ZDHHC14: variants seen among roughly 807,000 people sequenced by gnomAD.
ZDHHC14 encodes zDHHC palmitoyltransferase 14.
ZDHHC14 carries 16 observed loss-of-function variants against 47.7 expected under a neutral mutation model. The observed-to-expected ratio is 0.34, with a 90% confidence interval of 0.23 to 0.51. The LOEUF (loss-of-function observed/expected upper bound fraction) is 0.51. Ranked by LOEUF, ZDHHC14 falls within the 20% of genes least tolerant of loss-of-function variation. The pLI is 0.97. For missense variants in ZDHHC14, 515 were observed against 662.5 expected (o/e 0.78, Z 2.44); for synonymous variants, 293 against 278.9 (o/e 1.05, Z -0.50).
intron 3 of ZDHHC14, among the ~76,000 whole-genome samples, chr6:157,597,332 C>T (rs1164159487): frequency 6.6e-6 from 1 of 152,156 alleles, no homozygotes; most frequent in Non-Finnish European, 1.5e-5. Flanking sequence ...GCATGCTGCC[C>T]TCGTTTTTCT....
chr6:157,552,380 G>T (rs938462214), intron 2 of ZDHHC14, among the ~76,000 whole-genome samples: 1 of 152,074 alleles, frequency 6.6e-6, no homozygotes, highest in African/African-American at 2.4e-5. Context: ...CTCTGGAACA[G>T]CCCTCTGCAG....
At chr6:157,414,634 G>A (rs1319240356) in intron 1 of ZDHHC14, among the ~76,000 whole-genome samples, 2 of 152,170 alleles carry the variant, frequency 1.3e-5, no homozygotes, top group East Asian at 3.9e-4. Context: ...GGATGCACAT[G>A]TGCAGGGTCA....
chr6:157,474,311 C>T, intron 1 of ZDHHC14, among the ~76,000 whole-genome samples: 1 of 152,138 alleles, frequency 6.6e-6, no homozygotes, highest in East Asian at 1.9e-4. Context: ...TTTATTCATT[C>T]ATTTGTTAAT....
chr6:157,453,720 G>T (rs1485157479), intron 1 of ZDHHC14, among the ~76,000 whole-genome samples: 1 of 151,620 alleles, frequency 6.6e-6, no homozygotes, highest in Admixed American at 6.6e-5. Flanking sequence ...AGACCAGATG[G>T]GTGACTACCT....
intron 8 of ZDHHC14, among the ~76,000 whole-genome samples, chr6:157,663,341 G>A (rs145491182): frequency 3.3e-4 from 50 of 152,360 alleles, no homozygotes; most frequent in Middle Eastern, 6.8e-3. Flanking sequence ...AGCCCAGGAC[G>A]CAGAGCTCCT....
chr6:157,489,639 C>T (rs895689706), intron 1 of ZDHHC14, among the ~76,000 whole-genome samples: 1 of 152,144 alleles, frequency 6.6e-6, no homozygotes, highest in African/African-American at 2.4e-5. Context: ...GTGACCCAGC[C>T]GCTCTCCACC....
chr6:157,640,072 G>A (rs758690619), intron 5 of ZDHHC14, among the ~76,000 whole-genome samples: 36 of 152,180 alleles, frequency 2.4e-4, no homozygotes, highest in Non-Finnish European at 4.4e-4. Context: ...TCTCCGATTC[G>A]CGGAGGCCAA....
At chr6:157,546,846 G>A (rs1004679495) in intron 2 of ZDHHC14, among the ~76,000 whole-genome samples, 1 of 152,140 alleles carries the variant, frequency 6.6e-6, no homozygotes, top group Admixed American at 6.5e-5. Flanking sequence ...CACAGGTTTC[G>A]TCTCTTCCCA....
chr6:157,487,178 C>T (rs1156369702), intron 1 of ZDHHC14, among the ~76,000 whole-genome samples: 3 of 152,230 alleles, frequency 2.0e-5, no homozygotes, highest in African/African-American at 4.8e-5. Context: ...CCGGCCCTGG[C>T]CACCTTGCCG....
intron 7 of ZDHHC14, among the ~76,000 whole-genome samples, chr6:157,648,818 C>G (rs1777682694): frequency 6.6e-6 from 1 of 152,230 alleles, no homozygotes; most frequent in Non-Finnish European, 1.5e-5. Context: ...GTCCATGGTG[C>G]TTCCCGCTGG....
chr6:157,506,788 A>T (rs150787788), intron 1 of ZDHHC14, among the ~76,000 whole-genome samples: 1,694 of 152,272 alleles, frequency 0.011, 36 homozygotes, highest in African/African-American at 0.038. Flanking sequence ...GAAAACAACC[A>T]CTCAGGATAT....
intron 1 of ZDHHC14, among the ~76,000 whole-genome samples, chr6:157,425,179 C>G (rs1778191927): frequency 6.6e-6 from 1 of 152,182 alleles, no homozygotes; most frequent in Admixed American, 6.5e-5. Context: ...GGATCTTGTA[C>G]AACTCTTGTT....
Position 157,635,597 on chromosome 6 carries a change from C to T in ZDHHC14, c.752+2715C>T, listed in dbSNP as rs371626855. On this transcript the variant is annotated intron_variant, in intron 5 of 8. Transcript: ENST00000359775. ...CCAAAGCACGGCTTCCAGGTGTGGC[C>T]AGAGGGATTTCAAAGAGACTCTGCC... is the stretch of plus-strand genomic sequence containing the variant. 1.2e-4 allele frequency among the ~76,000 whole-genome samples: 18 copies of T among 152,302 alleles called. No homozygotes were observed. In the South Asian group the frequency reaches 1.9e-3, roughly 16 times the overall value.
chr6:157,572,848 C>CAA (rs1783153397), intron 2 of ZDHHC14, among the ~76,000 whole-genome samples: 1 of 151,248 alleles, frequency 6.6e-6, no homozygotes, highest in African/African-American at 2.4e-5. Flanking sequence ...TTTCTGTTCT[C>CAA]TATTAAGTAG....
chr6:157,624,916 G>A lies in ZDHHC14; in HGVS notation c.566-3433G>A, dbSNP rs564951716. Among the ~76,000 whole-genome samples, 16 of 152,326 alleles carry A rather than the reference G, an allele frequency of 1.1e-4. 1 individual carries two copies. In the South Asian group the frequency reaches 3.1e-3, roughly 30 times the overall value. ...TTTAGTCCTTACAGTTCTGGAGGCT[G>A]GGAAGTCCACGGCCACGGGGCCTAC... On this transcript the variant is annotated intron_variant, in intron 3 of 8. Coordinates refer to ENST00000359775, the MANE Select transcript of ZDHHC14 (RefSeq NM_024630.3).
intron 1 of ZDHHC14, among the ~76,000 whole-genome samples, chr6:157,447,055 G>T (rs980804757): frequency 8.5e-5 from 13 of 152,052 alleles, no homozygotes; most frequent in African/African-American, 3.1e-4. Flanking sequence ...GGACGTGGAG[G>T]TTGCAGTGAG....
At chr6:157,523,720 C>T (rs1218556044) in intron 1 of ZDHHC14, among the ~76,000 whole-genome samples, 13 of 148,804 alleles carry the variant, frequency 8.7e-5, no homozygotes, top group African/African-American at 2.5e-4. Flanking sequence ...ACATAGACCT[C>T]GCTTATACAA....
chr6:157,465,513 A>G (rs1018694457), intron 1 of ZDHHC14, among the ~76,000 whole-genome samples: 1 of 152,178 alleles, frequency 6.6e-6, no homozygotes, highest in Non-Finnish European at 1.5e-5. Flanking sequence ...AATGAAATAA[A>G]ATGGATGACT....
intron 1 of ZDHHC14, among the ~76,000 whole-genome samples, chr6:157,525,505 C>T (rs1252759913): frequency 3.3e-5 from 5 of 152,116 alleles, no homozygotes; most frequent in African/African-American, 7.2e-5. Flanking sequence ...GGCTTCCCTC[C>T]GAGAGGGCCA....
Sources: allele counts gnomAD v4.1 joint callset (sites outside exome capture counted in the v4.1 genomes callset), GRCh38; gene constraint gnomAD v4.1.1; transcripts MANE v1.5; gene names NCBI Gene and HGNC (gene_info 2026-07-23, HGNC 2026-07-21).